PLGRKT: variants seen among roughly 807,000 people sequenced by gnomAD.
PLGRKT encodes plasminogen receptor with a C-terminal lysine.
A neutral mutation model predicts 18.5 loss-of-function variants in PLGRKT; 22 were observed. That is an observed-to-expected ratio of 1.19 (90% CI 0.85 to 1.70). The LOEUF is 1.70. Ranked by LOEUF, PLGRKT falls within the 40% of genes most tolerant of loss-of-function variation. The pLI, the probability that PLGRKT is intolerant of heterozygous loss-of-function variation, is 0.00. For missense variants in PLGRKT, 235 were observed against 174.4 expected, an observed-to-expected ratio of 1.35 and a Z score of -1.96; for synonymous variants, 72 against 52.8, an observed-to-expected ratio of 1.36 and a Z score of -1.58.
chr9:5,358,679 G>C (rs1817193007), intron 5 of PLGRKT, among the ~76,000 whole-genome samples: 1 of 152,202 alleles, frequency 6.6e-6, no homozygotes, highest in Non-Finnish European at 1.5e-5. Flanking sequence ...GATTTGGGTA[G>C]AGAAACCACA....
intron 3 of PLGRKT, among the ~76,000 whole-genome samples, chr9:5,407,025 C>T (rs547490670): frequency 5.5e-4 from 84 of 152,138 alleles, no homozygotes; most frequent in African/African-American, 1.8e-3. Flanking sequence ...ACCCATAGTC[C>T]CTCACTTTTA....
chr9:5,401,014 T>C lies in PLGRKT; in HGVS notation c.81+30883A>G. 1.3e-5 allele frequency among the ~76,000 whole-genome samples: 2 copies of C among 151,900 alleles called. 1 individual carries two copies. Among genetic ancestry groups the C allele is most frequent in the African/African-American group, 4.9e-5 (2 of 41,212 alleles). On this transcript the variant is annotated intron_variant, in intron 3 of 5. Coordinates refer to ENST00000223864, the MANE Select transcript of PLGRKT (RefSeq NM_018465.4). ...CAAGTTAGATAAGATCTTAAGATAG[T>C]TGGCTTAAAAATAAAAACATAATAT...
intron 3 of PLGRKT, among the ~76,000 whole-genome samples, chr9:5,431,361 T>G (rs577825828): frequency 2.0e-5 from 3 of 151,822 alleles, no homozygotes; most frequent in Non-Finnish European, 2.9e-5. Context: ...TGGTGAAACC[T>G]TGTCTCTATT....
chr9:5,380,058 T>G (rs1004506216), intron 3 of PLGRKT, among the ~76,000 whole-genome samples: 1 of 152,182 alleles, frequency 6.6e-6, no homozygotes, highest in Non-Finnish European at 1.5e-5. Flanking sequence ...TTGCTGTGGA[T>G]GAACAATTTA....
intron 3 of PLGRKT, among the ~76,000 whole-genome samples, chr9:5,374,798 T>C (rs1817596578): frequency 6.6e-6 from 1 of 152,238 alleles, no homozygotes; most frequent in Non-Finnish European, 1.5e-5. Context: ...AAAATAATAC[T>C]TCCAACATTC....
At chr9:5,414,279 G>A (rs1818417993) in intron 3 of PLGRKT, among the ~76,000 whole-genome samples, 1 of 152,160 alleles carries the variant, frequency 6.6e-6, no homozygotes, top group Non-Finnish European at 1.5e-5. Flanking sequence ...CGATTCTGCT[G>A]CCTCAGCCTC....
intron 3 of PLGRKT, among the ~76,000 whole-genome samples, chr9:5,368,464 A>C (rs1426170332): frequency 6.6e-6 from 1 of 152,194 alleles, no homozygotes; most frequent in Non-Finnish European, 1.5e-5. Context: ...CATTATCCTA[A>C]GTGAATTAAC....
chr9:5,409,128 C>A (rs1160845605), intron 3 of PLGRKT, among the ~76,000 whole-genome samples: 5 of 152,204 alleles, frequency 3.3e-5, no homozygotes, highest in African/African-American at 4.8e-5. Context: ...GGGGTTGAAG[C>A]CCCCACAAAG....
chr9:5,421,113 G>C (rs1818567851), intron 3 of PLGRKT, among the ~76,000 whole-genome samples: 1 of 152,160 alleles, frequency 6.6e-6, no homozygotes, highest in African/African-American at 2.4e-5. Flanking sequence ...CTGGGTACAA[G>C]GCTTGAGCGA....
chr9:5,406,996 G>T (rs7872949), intron 3 of PLGRKT, among the ~76,000 whole-genome samples: 100,090 of 152,074 alleles, frequency 0.66, 35,132 homozygotes, highest in African/African-American at 0.92. Flanking sequence ...ATTGCAGAGT[G>T]TTTCAGGAAA....
intron 3 of PLGRKT, among the ~76,000 whole-genome samples, chr9:5,362,115 AT>A (rs1817280758): frequency 6.6e-6 from 1 of 152,180 alleles, no homozygotes; most frequent in African/African-American, 2.4e-5. Context: ...TCAATATTCC[AT>A]TTTTACACCC....
chr9:5,392,530 G>C (rs1424017935), intron 3 of PLGRKT: 1 of 151,930 alleles, frequency 6.6e-6, no homozygotes, highest in Non-Finnish European at 1.5e-5. Flanking sequence ...TGTGAAGCAG[G>C]AGGAGATAAG....
chr9:5,429,745 T>C lies in PLGRKT; in HGVS notation c.81+2152A>G, dbSNP rs1010238865. ...AACAAGATCACATTCTGAAGTACTA[T>C]AGGTTAAGGCTTCAACATATGAATT... On this transcript the variant is annotated intron_variant, in intron 3 of 5. Coordinates refer to ENST00000223864, the MANE Select transcript of PLGRKT (RefSeq NM_018465.4). Among the ~76,000 whole-genome samples the C allele has an allele frequency of 2.0e-5, 3 of 152,202 alleles. No homozygotes were observed. In the South Asian group the frequency reaches 6.2e-4, roughly 32 times the overall value.
chr9:5,374,117 G>C (rs946739924), intron 3 of PLGRKT, among the ~76,000 whole-genome samples: 11 of 152,286 alleles, frequency 7.2e-5, no homozygotes, highest in African/African-American at 2.6e-4. Flanking sequence ...AACTGTTCTT[G>C]GCTGTAGGCT....
At chr9:5,421,592 G>A (rs991117788) in intron 3 of PLGRKT, among the ~76,000 whole-genome samples, 2 of 152,186 alleles carry the variant, frequency 1.3e-5, no homozygotes, top group African/African-American at 2.4e-5. Flanking sequence ...ATGAATAAAT[G>A]GCACATCTAA....
chr9:5,374,950 T>A (rs1817600038), intron 3 of PLGRKT, among the ~76,000 whole-genome samples: 1 of 152,128 alleles, frequency 6.6e-6, no homozygotes, highest in African/African-American at 2.4e-5. Context: ...TACAGAAAGG[T>A]CAGCTTGACC....
intron 3 of PLGRKT, among the ~76,000 whole-genome samples, chr9:5,429,413 G>T (rs1396341303): frequency 6.6e-6 from 1 of 152,178 alleles, no homozygotes; most frequent in Non-Finnish European, 1.5e-5. Flanking sequence ...ACCACAAACT[G>T]GACGGCTTAA....
At chr9:5,425,808 A>AAC (rs1818686534) in intron 3 of PLGRKT, among the ~76,000 whole-genome samples, 1 of 152,178 alleles carries the variant, frequency 6.6e-6, no homozygotes, top group Admixed American at 6.5e-5. Flanking sequence ...AAAAAACAAT[A>AAC]ACACAAAATT....
chr9:5,424,264 G>T (rs1451335988), intron 3 of PLGRKT, among the ~76,000 whole-genome samples: 1 of 135,528 alleles, frequency 7.4e-6, no homozygotes, highest in Admixed American at 8.0e-5. Context: ...TACACTATAT[G>T]TCATATATTA....
Sources: gnomAD v4.1 joint callset for allele counts (sites outside exome capture counted in the v4.1 genomes callset) on GRCh38, gnomAD v4.1.1 for gene constraint, MANE v1.5 for transcripts, NCBI Gene and HGNC (gene_info 2026-07-23, HGNC 2026-07-21) for gene names.